The following HNF4A variants were observed in gnomAD, a reference collection of about 807,000 sequenced individuals.
HNF4A encodes the protein hepatocyte nuclear factor 4-alpha.
In HNF4A, 15 loss-of-function variants were observed where a neutral mutation model predicts 52.4. The observed-to-expected ratio is 0.29, with a 90% CI of 0.19 to 0.44. HNF4A has a LOEUF of 0.44. Ranked by LOEUF, HNF4A falls within the 20% of genes least tolerant of loss-of-function variation. HNF4A has a pLI of 1.00. For synonymous variants in HNF4A, 280 were observed against 264.4 expected, an observed-to-expected ratio of 1.06 and a Z score of -0.57; for missense variants, 479 against 647.2, an observed-to-expected ratio of 0.74 and a Z score of 2.82.
chr20:44,408,864 T>C (rs1335966609), intron 3 of HNF4A, among the ~76,000 whole-genome samples: 1 of 152,080 alleles, frequency 6.6e-6, no homozygotes. Flanking sequence ...CAAACCTTGG[T>C]CTAGTCCTGC....
intron 1 of HNF4A, chr20:44,372,700 T>C (rs2063046028): frequency 1.3e-5 from 2 of 151,968 alleles, no homozygotes; most frequent in Admixed American, 1.3e-4. Flanking sequence ...AGTCATATAG[T>C]TTTTCTGGAG....
chr20:44,361,301 T>G (rs1003422234), intron 1 of HNF4A, among the ~76,000 whole-genome samples: 1 of 152,188 alleles, frequency 6.6e-6, no homozygotes, highest in African/African-American at 2.4e-5. Context: ...GGGTATGCAG[T>G]TCAGTTGAGG....
chr20:44,415,919 G>A (rs1014693101), intron 5 of HNF4A, among the ~76,000 whole-genome samples: 7 of 152,012 alleles, frequency 4.6e-5, no homozygotes, highest in African/African-American at 1.2e-4. Flanking sequence ...TTGTGCTCTG[G>A]CCCCAGTCCC....
intron 1 of HNF4A, among the ~76,000 whole-genome samples, chr20:44,376,399 A>G (rs1224186197): frequency 6.6e-6 from 1 of 152,222 alleles, no homozygotes; most frequent in African/African-American, 2.4e-5. Context: ...GTATGTAGGA[A>G]GATGGTTGAC....
At chr20:44,404,074 C>T (rs1413550339) in intron 1 of HNF4A, among the ~76,000 whole-genome samples, 1 of 152,188 alleles carries the variant, frequency 6.6e-6, no homozygotes, top group Non-Finnish European at 1.5e-5. Flanking sequence ...TCTGCGATGG[C>T]AGAAATGAGA....
chr20:44,408,744 C>T (rs1044142278), intron 3 of HNF4A, among the ~76,000 whole-genome samples: 1 of 151,964 alleles, frequency 6.6e-6, no homozygotes, highest in African/African-American at 2.4e-5. Context: ...AAAAAAGTAA[C>T]GAGTTCATTT....
chr20:44,404,372 C>T (rs1412186674), intron 1 of HNF4A, among the ~76,000 whole-genome samples: 1 of 152,156 alleles, frequency 6.6e-6, no homozygotes, highest in African/African-American at 2.4e-5. Context: ...AGAAGGACTT[C>T]AGAGGCTGTG....
At chr20:44,415,076 T>C (rs1002533064) in intron 5 of HNF4A, among the ~76,000 whole-genome samples, 2 of 152,136 alleles carry the variant, frequency 1.3e-5, no homozygotes, top group South Asian at 4.1e-4. Flanking sequence ...TCAGGAGATT[T>C]TGGCTTAAGC....
intron 1 of HNF4A, among the ~76,000 whole-genome samples, chr20:44,372,406 G>A (rs554445142): frequency 1.3e-5 from 2 of 152,238 alleles, no homozygotes; most frequent in African/African-American, 2.4e-5. Flanking sequence ...TATCTTTGGT[G>A]CCTCCACCCT....
intron 1 of HNF4A, among the ~76,000 whole-genome samples, chr20:44,373,306 T>C (rs189269565): frequency 1.3e-5 from 2 of 152,236 alleles, no homozygotes; most frequent in East Asian, 3.9e-4. Flanking sequence ...CACACCACCA[T>C]GCCTGTCTAA....
At chr20:44,424,701 G>T (rs983195205) in intron 8 of HNF4A, 23 of 906,428 alleles carry the variant, frequency 2.5e-5, no homozygotes, top group Non-Finnish European at 3.4e-5. Flanking sequence ...CCTCTCTGAA[G>T]TGGTGACTCT....
chr20:44,432,318 C>T lies in HNF4A; in HGVS notation c.*2653C>T, dbSNP rs1484693837. 7.0e-6 allele frequency: 1 copy of T among 142,440 alleles called. No homozygotes were observed. The highest frequency in any genetic ancestry group is 1.5e-5 in the Non-Finnish European group (1 of 65,756). The allele number at this position is 142,440 out of a possible 1,614,324, so 8.8% of individuals were successfully genotyped here. On this transcript the variant is annotated 3_prime_UTR_variant, in exon 10 of 10. Transcript: ENST00000316099. ...GTTTACTTTTTTGACTCTAAGCTGA[C>T]ATGATATTAGAAAATCTCTCGCTCT...
chr20:44,370,565 G>T (rs747950170), intron 1 of HNF4A, among the ~76,000 whole-genome samples: 1 of 152,266 alleles, frequency 6.6e-6, no homozygotes, highest in Middle Eastern at 3.4e-3. Context: ...CCTCTACAGC[G>T]CTGAAATTAC....
At position 44,410,142 on chromosome 20, in the gene HNF4A, T is replaced by C. The variant is rs3212191; in HGVS notation, c.385+2667T>C. Among the ~76,000 whole-genome samples, 43,941 of 152,188 alleles carry C rather than the reference T, an allele frequency of 0.29. 6,851 individuals carry two copies. Among genetic ancestry groups the C allele is most frequent in the East Asian group, 0.51 (2,664 of 5,176 alleles). ...GCCACTGCGCCCGGCCCCTGGCCCT[T>C]TCTTGAGCTGCTGCAAAGCCAGCAA... On this transcript the variant is annotated intron_variant, in intron 3 of 9. Transcript: ENST00000316099.
intron 1 of HNF4A, among the ~76,000 whole-genome samples, chr20:44,404,946 G>GTGTGT (rs1221604982): frequency 1.6e-5 from 1 of 61,950 alleles, no homozygotes; most frequent in Non-Finnish European, 3.3e-5. Flanking sequence ...GTGCGTGTGT[G>GTGTGT]GGAACTGTGT....
chr20:44,378,918 C>CAA (rs61103959), intron 1 of HNF4A, among the ~76,000 whole-genome samples: 3 of 129,200 alleles, frequency 2.3e-5, no homozygotes, highest in African/African-American at 2.8e-5. Flanking sequence ...GACCCCGTCT[C>CAA]AAAAAAAAAA....
intron 1 of HNF4A, among the ~76,000 whole-genome samples, chr20:44,391,734 G>C (rs2146304652): frequency 6.6e-6 from 1 of 152,316 alleles, no homozygotes. Flanking sequence ...ACAAGATACA[G>C]AACAGTGTAA....
chr20:44,398,108 G>A (rs970831471), upstream of HNF4A, among the ~76,000 whole-genome samples: 2 of 152,206 alleles, frequency 1.3e-5, no homozygotes, highest in South Asian at 2.1e-4. Context: ...ATTCTGCATT[G>A]CAGACCAAAG....
chr20:44,406,987 G>GGGGATA (rs1026451894), intron 2 of HNF4A, among the ~76,000 whole-genome samples: 16 of 152,290 alleles, frequency 1.1e-4, no homozygotes, highest in African/African-American at 3.6e-4. Context: ...TCCCCCTCCA[G>GGGGATA]AGAGAGGCTT....
Sources: allele counts gnomAD v4.1 joint callset (sites outside exome capture counted in the v4.1 genomes callset), GRCh38; gene constraint gnomAD v4.1.1; transcripts MANE v1.5; gene names NCBI Gene and HGNC (gene_info 2026-07-23, HGNC 2026-07-21).